Variants in ADAMTSL1 observed in about 807,000 individuals in gnomAD.
ADAMTSL1 encodes ADAMTS like 1.
A neutral mutation model predicts 201.8 loss-of-function variants in ADAMTSL1; 126 were observed. The ratio of observed to expected loss-of-function variants is 0.62; its 90% confidence interval spans 0.54 to 0.72. ADAMTSL1 has a LOEUF of 0.72. ADAMTSL1 is among the 30% of genes least tolerant of loss of function. The pLI is 0.00. For missense variants in ADAMTSL1, 2,679 were observed against 2,277.8 expected, an observed-to-expected ratio of 1.18 and a Z score of -3.59; for synonymous variants, 1,121 against 903.4, an observed-to-expected ratio of 1.24 and a Z score of -4.32.
At chr9:18,626,829 CTTACTTTCTT>C (rs371307901) in intron 5 of ADAMTSL1, among the ~76,000 whole-genome samples, 35 of 139,032 alleles carry the variant, frequency 2.5e-4, no homozygotes, top group African/African-American at 8.5e-4. Flanking sequence ...TTCTTTCTTT[CTTACTTTCTT>C]TTTCTTTCTT....
At chr9:18,406,010 T>C (rs1289486865) in intron 2 of ADAMTSL1, among the ~76,000 whole-genome samples, 1 of 152,238 alleles carries the variant, frequency 6.6e-6, no homozygotes, top group Non-Finnish European at 1.5e-5. Flanking sequence ...TTCTTGAGAA[T>C]GTTAGGTCTT....
At chr9:18,282,084 C>T (rs1053187100) in intron 2 of ADAMTSL1, among the ~76,000 whole-genome samples, 12 of 152,108 alleles carry the variant, frequency 7.9e-5, no homozygotes, top group Admixed American at 1.3e-4. Context: ...CCGTACCTAA[C>T]GTGTTATTTT....
At chr9:18,555,016 C>T (rs1247845626) in intron 3 of ADAMTSL1, among the ~76,000 whole-genome samples, 1 of 151,876 alleles carries the variant, frequency 6.6e-6, no homozygotes, top group Non-Finnish European at 1.5e-5. Context: ...CTTCTGTGCT[C>T]CACCTGTTCA....
rs1038444418 is a variant in ADAMTSL1, at chr9:18,173,684, C to A, written c.207+9703C>A. On this transcript the variant is annotated intron_variant, in intron 2 of 29. Transcript: ENST00000680146. Reference sequence around the variant, plus strand: ...AAATGTGAAGCATTAAAAGCCCCAACACTAATGCAGACAGATTTTTAGGCT... The same window carrying A: ...AAATGTGAAGCATTAAAAGCCCCAAAACTAATGCAGACAGATTTTTAGGCT... Among the ~76,000 whole-genome samples, 5 of 152,138 alleles carry A rather than the reference C, an allele frequency of 3.3e-5. No individual in the cohort carries two copies. In the South Asian group the frequency reaches 1.0e-3, roughly 32 times the overall value.
chr9:18,674,471 C>G lies in ADAMTSL1; in HGVS notation c.1086-1386C>G, dbSNP rs190868485. On this transcript the variant is annotated intron_variant, in intron 9 of 28. Coordinates refer to ENST00000380548, the MANE Select transcript of ADAMTSL1 (RefSeq NM_001040272.6). ...ACTATGCAGGCCCCTTTATCCCTCT[C>G]TCTCTCCTTCTTACCTTTCATCATC... 4.6e-5 allele frequency among the ~76,000 whole-genome samples: 7 copies of G among 152,070 alleles called. No individual in the cohort carries two copies. In the East Asian group the frequency reaches 1.4e-3, roughly 29 times the overall value.
intron 2 of ADAMTSL1, among the ~76,000 whole-genome samples, chr9:18,187,020 G>A (rs995955351): frequency 6.6e-6 from 1 of 152,140 alleles, no homozygotes; most frequent in African/African-American, 2.4e-5. Context: ...TGGAAAGATA[G>A]CACTAGTGGA....
intron 1 of ADAMTSL1, among the ~76,000 whole-genome samples, chr9:18,058,910 T>C (rs1236421147): frequency 6.6e-6 from 1 of 152,222 alleles, no homozygotes; most frequent in African/African-American, 2.4e-5. Flanking sequence ...CATGAGCTTC[T>C]ACATTGAAAG....
Position 18,777,118 on chromosome 9 carries a change from C to T in ADAMTSL1, c.2889C>T (p.Gly963=). ...REHFVIKLIG[G]NRKLVARPLS... is the part of the protein sequence containing the mutation. ...ACTTTGTGATTAAGCTCATCGGAGG[C>T]AACCGCAAGCTCGTGGCCCGGCCCT... Residue 963 remains glycine (G), a synonymous_variant, in exon 19 of 29, where the codon GGC becomes GGT. Transcript: ENST00000380548. 1.2e-6 allele frequency: 2 copies of T among 1,613,088 alleles called. No homozygotes were observed. Among genetic ancestry groups the T allele is most frequent in the East Asian group, 2.2e-5 (1 of 44,864 alleles).
chr9:18,619,220 T>C (rs1825876361), intron 4 of ADAMTSL1, among the ~76,000 whole-genome samples: 1 of 152,232 alleles, frequency 6.6e-6, no homozygotes, highest in Non-Finnish European at 1.5e-5. Context: ...TAATTTTAAT[T>C]AATCTAATAG....
At chr9:18,647,636 C>T (rs1290591971) in intron 7 of ADAMTSL1, among the ~76,000 whole-genome samples, 3 of 151,518 alleles carry the variant, frequency 2.0e-5, no homozygotes, top group African/African-American at 2.4e-5. Flanking sequence ...GCCTTCATTT[C>T]GTTATGTACC....
At chr9:18,453,734 T>C (rs1408628659) in intron 2 of ADAMTSL1, among the ~76,000 whole-genome samples, 1 of 152,194 alleles carries the variant, frequency 6.6e-6, no homozygotes, top group East Asian at 1.9e-4. Flanking sequence ...AGCCAATTTC[T>C]TGGCCACTTA....
chr9:18,193,006 CA>C (rs371927668), intron 2 of ADAMTSL1, among the ~76,000 whole-genome samples: 4,945 of 151,808 alleles, frequency 0.033, 119 homozygotes, highest in Non-Finnish European at 0.053. Flanking sequence ...AGGAATACTT[CA>C]AAAAAAATGT....
chr9:18,376,908 A>T (rs1381784496), intron 2 of ADAMTSL1, among the ~76,000 whole-genome samples: 1 of 150,892 alleles, frequency 6.6e-6, no homozygotes. Context: ...CCTTACAAAT[A>T]GTTATTTAAA....
intron 1 of ADAMTSL1, among the ~76,000 whole-genome samples, chr9:17,962,652 A>C (rs1817800373): frequency 6.6e-6 from 1 of 152,194 alleles, no homozygotes; most frequent in African/African-American, 2.4e-5. Flanking sequence ...AGATCTGTTT[A>C]TAAGCTTCTT....
At chr9:18,769,363 A>T (rs1258365334) in intron 16 of ADAMTSL1, among the ~76,000 whole-genome samples, 1 of 152,196 alleles carries the variant, frequency 6.6e-6, no homozygotes, top group Non-Finnish European at 1.5e-5. Flanking sequence ...ATGACAAGAA[A>T]CTATTCTGGA....
intron 26 of ADAMTSL1, among the ~76,000 whole-genome samples, chr9:18,895,799 A>T (rs1332954463): frequency 6.6e-6 from 1 of 152,242 alleles, no homozygotes; most frequent in Non-Finnish European, 1.5e-5. Flanking sequence ...CTATTTTTCA[A>T]ATGCCCAATT....
intron 4 of ADAMTSL1, among the ~76,000 whole-genome samples, chr9:18,606,484 G>C (rs1006541210): frequency 7.9e-5 from 12 of 152,198 alleles, no homozygotes; most frequent in Non-Finnish European, 1.5e-4. Flanking sequence ...GCTCGCATGA[G>C]TAGCTGATTA....
intron 16 of ADAMTSL1, among the ~76,000 whole-genome samples, chr9:18,767,909 C>A (rs56107944): frequency 2.0e-5 from 3 of 152,076 alleles, no homozygotes; most frequent in African/African-American, 4.8e-5. Flanking sequence ...CAAGCCCAAA[C>A]GACACACTAG....
intron 23 of ADAMTSL1, among the ~76,000 whole-genome samples, chr9:18,873,618 G>T (rs1391644746): frequency 6.6e-6 from 1 of 152,088 alleles, no homozygotes; most frequent in Non-Finnish European, 1.5e-5. Flanking sequence ...TAAGTATTTG[G>T]CTGTATTTCT....
Sources: allele counts gnomAD v4.1 joint callset (sites outside exome capture counted in the v4.1 genomes callset), GRCh38; gene constraint gnomAD v4.1.1; transcripts MANE v1.5; gene names NCBI Gene and HGNC (gene_info 2026-07-23, HGNC 2026-07-21).